The following C16orf89 variants were observed in gnomAD, a reference collection of about 807,000 sequenced individuals.
The protein encoded by C16orf89 is UPF0764 protein C16orf89.
Under a neutral mutation model 41.5 loss-of-function variants are expected in C16orf89, and 57 were observed. That is an observed-to-expected ratio of 1.38 (90% CI 1.11 to 1.71). The LOEUF (loss-of-function observed/expected upper bound fraction) is 1.71. Among genes scored for constraint, C16orf89 ranks in the 40% most tolerant of loss-of-function variants. The pLI, the probability that C16orf89 is intolerant of heterozygous loss-of-function variation, is 0.00. For missense variants in C16orf89, 575 were observed against 445.9 expected, an observed-to-expected ratio of 1.29 and a Z score of -2.61; for synonymous variants, 223 against 190.6, an observed-to-expected ratio of 1.17 and a Z score of -1.40.
At chr16:5,047,630 G>C (rs1372039046) in intron 7 of C16orf89, among the ~76,000 whole-genome samples, 1 of 152,090 alleles carries the variant, frequency 6.6e-6, no homozygotes, top group African/African-American at 2.4e-5. Flanking sequence ...ACCATGCCCA[G>C]CTAAGTTTTG....
chr16:5,063,667 G>C (rs1429620606), intron 1 of C16orf89, among the ~76,000 whole-genome samples: 1 of 152,182 alleles, frequency 6.6e-6, no homozygotes, highest in East Asian at 1.9e-4. Flanking sequence ...ACATACGAGG[G>C]ATCTAGGCTG....
rs150581043 is a variant in C16orf89 at position 5,048,101 on chromosome 16, C to T, written c.869-137G>A. The T allele has an allele frequency of 2.5e-4, 155 of 608,020 alleles. No individual in the cohort carries two copies. In the African/African-American group the frequency reaches 2.6e-3, roughly 10 times the overall value. The allele number at this position is 608,020 out of a possible 1,614,324, so 37.7% of individuals were successfully genotyped here. On this transcript the variant is annotated intron_variant, in intron 6 of 7. Transcript: ENST00000472572. ...TGGGTGCAGTAACGCAATCATAGCT[C>T]ACCACAACCTCGAACTCCCAAGCTC...
chr16:5,061,759 C>A (rs1010687709), intron 2 of C16orf89, among the ~76,000 whole-genome samples: 8 of 152,142 alleles, frequency 5.3e-5, no homozygotes, highest in African/African-American at 1.9e-4. Flanking sequence ...CGTGGCCTGG[C>A]TACCTCCCCG....
intron 7 of C16orf89, 57 bp from the exon 8 acceptor site, chr16:5,044,535 A>C (rs759138882): frequency 7.5e-6 from 12 of 1,605,006 alleles, no homozygotes; most frequent in Non-Finnish European, 9.3e-6. Context: ...CCTTTATTCA[A>C]CACAGTCTCA....
intron 3 of C16orf89, among the ~76,000 whole-genome samples, chr16:5,059,533 G>A (rs1482180418): frequency 6.6e-6 from 1 of 152,110 alleles, no homozygotes; most frequent in Non-Finnish European, 1.5e-5. Context: ...CAGCCCCTCC[G>A]TGAATCCAGC....
chr16:5,045,113 G>T (rs1312934106), intron 7 of C16orf89, among the ~76,000 whole-genome samples: 1 of 152,236 alleles, frequency 6.6e-6, no homozygotes, highest in Non-Finnish European at 1.5e-5. Flanking sequence ...GATCTGGCCT[G>T]AGGCCGCATC....
chr16:5,060,584 G>A, intron 2 of C16orf89, 148 bp from the exon 3 acceptor site: 7 of 792,420 alleles, frequency 8.8e-6, no homozygotes, highest in Non-Finnish European at 1.3e-5. Context: ...CCCAGATTGG[G>A]TTTGAAACAC....
In C16orf89 at chr16:5,047,877, C is replaced by A; in HGVS notation, c.955+1G>T. 2 of 1,540,518 alleles carry A rather than the reference C, an allele frequency of 1.3e-6. No individual in the cohort carries two copies. Among genetic ancestry groups the A allele is most frequent in the Non-Finnish European group, 1.8e-6 (2 of 1,114,454 alleles). ...GAAACTCCCTTGGGTATTTTCATTA[C>A]CTGGAAATTGTTTTTCTCGCCTCTT... is the stretch of plus-strand genomic sequence containing the variant. On this transcript the variant is annotated splice_donor_variant, in intron 7 of 7. Transcript: ENST00000472572. LOFTEE classifies it high-confidence loss of function.
chr16:5,053,622 C>T (rs1956437344), intron 6 of C16orf89, among the ~76,000 whole-genome samples: 1 of 151,714 alleles, frequency 6.6e-6, no homozygotes, highest in Non-Finnish European at 1.5e-5. Flanking sequence ...CTCACTGCAG[C>T]CTCGGCCTCC....
intron 5 of C16orf89, chr16:5,055,553 C>G: frequency 9.3e-7 from 1 of 1,078,846 alleles, no homozygotes; most frequent in East Asian, 2.6e-5. Context: ...CCGCCTCCCA[C>G]TGAGGGCCTT....
chr16:5,044,160 G>C lies in C16orf89; in HGVS notation c.*188C>G. 1 of 1,349,770 alleles carries C rather than the reference G, an allele frequency of 7.4e-7. No homozygotes were observed. The allele number at this position is 1,349,770 out of a possible 1,614,324, so 83.6% of individuals were successfully genotyped here. On this transcript the variant is annotated 3_prime_UTR_variant, in exon 8 of 8. Coordinates refer to ENST00000472572, the MANE Select transcript of C16orf89 (RefSeq NM_001098514.3). ...AACTTTATTCATCCGTTCACACCTG[G>C]GTCCCTCCCGGCCCCCACCTACCCT...
In C16orf89 at chr16:5,044,440, C is replaced by T. The variant is rs761797733; in HGVS notation, c.994G>A (p.Ala332Thr). 2 of 1,613,052 alleles carry T rather than the reference C, an allele frequency of 1.2e-6. No homozygotes were observed. The highest frequency in any genetic ancestry group is 2.2e-5 in the South Asian group (2 of 91,020). ...AGGATGTATAGGAAGCCACCCAGGG[C>T]TGCCACTGCTGTGGCTGTGTTGTGG... The part of the protein sequence containing the change: ...SSHNTATAVA[A>T]LGGFLYILAE... The change falls in exon 8 of 8, where the codon GCC becomes ACC. Residue 332 changes from alanine (A) to threonine (T), a missense_variant. Ala to Thr is a moderately conservative substitution (Grantham distance 58). Coordinates refer to ENST00000472572, the MANE Select transcript of C16orf89 (RefSeq NM_001098514.3).
intron 6 of C16orf89, among the ~76,000 whole-genome samples, chr16:5,054,377 C>G (rs1385634140): frequency 6.6e-6 from 1 of 152,178 alleles, no homozygotes; most frequent in Non-Finnish European, 1.5e-5. Context: ...AGTCCTCTGC[C>G]TCTCCACCCT....
At chr16:5,065,391 C>G (rs1956717472) in intron 1 of C16orf89, among the ~76,000 whole-genome samples, 1 of 152,206 alleles carries the variant, frequency 6.6e-6, no homozygotes, top group South Asian at 2.1e-4. Context: ...GGCACTCTCC[C>G]TGCTCCCCTT....
chr16:5,049,490 A>G (rs1013392063), intron 6 of C16orf89, among the ~76,000 whole-genome samples: 6 of 152,258 alleles, frequency 3.9e-5, no homozygotes, highest in Non-Finnish European at 7.3e-5. Flanking sequence ...AAGAATTTAA[A>G]TCATAGCAAG....
At chr16:5,054,298 C>A (rs1956449581) in intron 6 of C16orf89, among the ~76,000 whole-genome samples, 1 of 152,092 alleles carries the variant, frequency 6.6e-6, no homozygotes, top group Non-Finnish European at 1.5e-5. Flanking sequence ...GAAATTGAGG[C>A]TGAGAGGGGT....
At chr16:5,058,632 C>G in intron 3 of C16orf89, 22 bp from the exon 4 acceptor site, 1 of 1,579,100 alleles carries the variant, frequency 6.3e-7, no homozygotes, top group East Asian at 2.3e-5. Flanking sequence ...TGGTTCCAAG[C>G]TGTTAAGGAT....
At chr16:5,044,049 T>C (rs753292115), downstream of C16orf89, 215 of 891,328 alleles carry the variant, frequency 2.4e-4, 2 homozygotes, top group Admixed American at 1.1e-4. Context: ...TTGAGTGGGA[T>C]TGGAGAGTTG....
chr16:5,044,659 T>A (rs923687559), intron 7 of C16orf89, 181 bp from the exon 8 acceptor site: 18 of 1,237,628 alleles, frequency 1.5e-5, no homozygotes, highest in Middle Eastern at 2.7e-4. Flanking sequence ...ATGAGCAACA[T>A]GATGAAACCC....
Sources: allele counts gnomAD v4.1 joint callset (sites outside exome capture counted in the v4.1 genomes callset), GRCh38; gene constraint gnomAD v4.1.1; transcripts MANE v1.5; gene names NCBI Gene and HGNC (gene_info 2026-07-23, HGNC 2026-07-21).